Variants in MCU observed in about 807,000 individuals in gnomAD.
MCU encodes mitochondrial calcium uniporter.
Under a neutral mutation model 45.2 loss-of-function variants are expected in MCU, and 12 were observed. The ratio of observed to expected loss-of-function variants is 0.27; its 90% confidence interval spans 0.17 to 0.43. The LOEUF (loss-of-function observed/expected upper bound fraction) is 0.43. Among genes scored for constraint, MCU ranks in the 20% least tolerant of loss-of-function variants. The pLI is 1.00. For synonymous variants in MCU, 160 were observed against 165.1 expected, an observed-to-expected ratio of 0.97 and a Z score of 0.24; for missense variants, 324 against 436.7, an observed-to-expected ratio of 0.74 and a Z score of 2.30.
At chr10:72,812,907 C>G (rs947937506) in intron 1 of MCU, among the ~76,000 whole-genome samples, 1 of 152,174 alleles carries the variant, frequency 6.6e-6, no homozygotes, top group Non-Finnish European at 1.5e-5. Flanking sequence ...AGTTAATCAT[C>G]TCTGTGGCTT....
intron 1 of MCU, among the ~76,000 whole-genome samples, chr10:72,829,460 T>C (rs1046112553): frequency 6.6e-6 from 1 of 152,120 alleles, no homozygotes. Flanking sequence ...TTAATCTTGG[T>C]ATCTGCCTAT....
At chr10:72,853,739 GGGCATGGT>G (rs1845244281) in intron 2 of MCU, among the ~76,000 whole-genome samples, 1 of 152,222 alleles carries the variant, frequency 6.6e-6, no homozygotes, top group South Asian at 2.1e-4. Context: ...GCAGAGGGCT[GGGCATGGT>G]GGCTTACACC....
At position 72,752,444 on chromosome 10, in the gene MCU, T is replaced by G. The variant is rs142538275; in HGVS notation, c.150+60143T>G. ...AAAATAATCCACAGTAAATATAGAA[T>G]GTGCTTTATGTCTAAATGCTAAGAA... On this transcript the variant is annotated intron_variant, in intron 1 of 7. Coordinates refer to ENST00000373053, the MANE Select transcript of MCU (RefSeq NM_138357.3). Among the ~76,000 whole-genome samples, 60 of 152,318 alleles carry G rather than the reference T, an allele frequency of 3.9e-4. 1 individual carries two copies. The highest frequency in any genetic ancestry group is 1.4e-3 in the African/African-American group (57 of 41,568).
chr10:72,837,294 C>G (rs1442018720), intron 2 of MCU, among the ~76,000 whole-genome samples: 1 of 151,626 alleles, frequency 6.6e-6, no homozygotes, highest in African/African-American at 2.4e-5. Flanking sequence ...ATTTTGCATA[C>G]AATTTTATAG....
chr10:72,762,301 A>G (rs1276237380), intron 1 of MCU, among the ~76,000 whole-genome samples: 3 of 152,188 alleles, frequency 2.0e-5, no homozygotes, highest in African/African-American at 7.2e-5. Context: ...AAGAATTGGT[A>G]CCAATCAATC....
chr10:72,702,022 C>G (rs1369414245), intron 1 of MCU, among the ~76,000 whole-genome samples: 1 of 151,766 alleles, frequency 6.6e-6, no homozygotes, highest in African/African-American at 2.4e-5. Context: ...GGGGAATCAC[C>G]TGAGGTCAGG....
intron 1 of MCU, among the ~76,000 whole-genome samples, chr10:72,746,912 A>AATTT (rs1843422315): frequency 6.6e-6 from 1 of 152,244 alleles, no homozygotes; most frequent in Admixed American, 6.5e-5. Context: ...GCTAGGCATG[A>AATTT]ATTTAGTCTC....
chr10:72,727,326 C>A (rs1350136085), intron 1 of MCU, among the ~76,000 whole-genome samples: 1 of 152,222 alleles, frequency 6.6e-6, no homozygotes, highest in African/African-American at 2.4e-5. Context: ...TTCCCCAAGC[C>A]TGGCATTCAG....
chr10:72,847,333 C>T (rs1227001102), intron 2 of MCU, among the ~76,000 whole-genome samples: 2 of 152,170 alleles, frequency 1.3e-5, no homozygotes, highest in East Asian at 1.9e-4. Flanking sequence ...ATCCCATCCT[C>T]ATAGGCCACT....
intron 1 of MCU, among the ~76,000 whole-genome samples, chr10:72,763,073 T>C (rs1217759506): frequency 6.6e-6 from 1 of 152,166 alleles, no homozygotes; most frequent in Admixed American, 6.6e-5. Flanking sequence ...GGCTGCCATC[T>C]CTCTGGTTCT....
At chr10:72,770,053 CTT>C (rs1473872882) in intron 1 of MCU, among the ~76,000 whole-genome samples, 1 of 151,400 alleles carries the variant, frequency 6.6e-6, no homozygotes. Context: ...TTTTTTCTTT[CTT>C]ACATTGGTTA....
chr10:72,694,070 G>A (rs181827877), intron 1 of MCU, among the ~76,000 whole-genome samples: 250 of 152,312 alleles, frequency 1.6e-3, no homozygotes, highest in African/African-American at 5.7e-3. Context: ...GGGTAAAAAT[G>A]AAGTGCTGAA....
At chr10:72,772,925 G>A (rs1460200561) in intron 1 of MCU, among the ~76,000 whole-genome samples, 5 of 20,350 alleles carry the variant, frequency 2.5e-4, no homozygotes, top group African/African-American at 9.3e-4. Context: ...TTTGAGACAC[G>A]GTCTTTCCTT....
chr10:72,820,155 C>T (rs1844688972), intron 1 of MCU, among the ~76,000 whole-genome samples: 1 of 152,108 alleles, frequency 6.6e-6, no homozygotes, highest in African/African-American at 2.4e-5. Context: ...TTCATTTGTG[C>T]TGTGCATGTG....
intron 1 of MCU, among the ~76,000 whole-genome samples, chr10:72,743,162 A>G (rs1843359840): frequency 6.6e-6 from 1 of 151,914 alleles, no homozygotes; most frequent in African/African-American, 2.4e-5. Flanking sequence ...TAATCCCGGC[A>G]CTTTGGGAGG....
At chr10:72,854,364 A>G (rs1326685255) in intron 2 of MCU, among the ~76,000 whole-genome samples, 1 of 152,202 alleles carries the variant, frequency 6.6e-6, no homozygotes, top group Admixed American at 6.5e-5. Flanking sequence ...AAGAATATAC[A>G]CAAACTCATA....
rs750580489 is a variant in MCU, at chr10:72,859,131, AC to A, written c.221-45del. The A allele has an allele frequency of 1.1e-5, 16 of 1,500,280 alleles. No individual in the cohort carries two copies. The East Asian group carries it at 3.5e-4, about 33-fold the overall frequency. The allele number at this position is 1,500,280 out of a possible 1,614,324, so 92.9% of individuals were successfully genotyped here. A position where few individuals can be genotyped will look rare whatever the true frequency, so the allele number is the denominator to read the frequency against. ...AATGGTAATAATGTGACTTTAACTTACATTGAAATCCAATTATCATATGTTT... is the reference window on the plus strand; with the variant it reads ...AATGGTAATAATGTGACTTTAACTTAATTGAAATCCAATTATCATATGTTT... On this transcript the variant is annotated intron_variant, in intron 2 of 7. Transcript: ENST00000373053.
At chr10:72,843,907 T>C (rs1424717890) in intron 2 of MCU, among the ~76,000 whole-genome samples, 1 of 152,228 alleles carries the variant, frequency 6.6e-6, no homozygotes, top group Non-Finnish European at 1.5e-5. Flanking sequence ...TATTTAAGTA[T>C]ATTTTTCTGA....
chr10:72,850,192 C>T (rs1032300416), intron 2 of MCU, among the ~76,000 whole-genome samples: 1 of 152,096 alleles, frequency 6.6e-6, no homozygotes, highest in Non-Finnish European at 1.5e-5. Flanking sequence ...TCTAACGTTA[C>T]TAGACTCTGT....
Sources: gnomAD v4.1 joint callset for allele counts (sites outside exome capture counted in the v4.1 genomes callset) on GRCh38, gnomAD v4.1.1 for gene constraint, MANE v1.5 for transcripts, NCBI Gene and HGNC (gene_info 2026-07-23, HGNC 2026-07-21) for gene names.